The following SGPP1 variants were observed in gnomAD, a reference collection of about 807,000 sequenced individuals.
SGPP1 encodes the protein sphingosine-1-phosphate phosphatase 1.
SGPP1 carries 21 observed loss-of-function variants against 33.0 expected under a neutral mutation model. The ratio of observed to expected loss-of-function variants is 0.64; its 90% CI spans 0.45 to 0.92. The LOEUF (loss-of-function observed/expected upper bound fraction) is 0.92, where lower values mean the gene tolerates loss of function less well. Ranked by LOEUF, SGPP1 falls within the 40% of genes least tolerant of loss-of-function variation. The pLI, the probability that SGPP1 is intolerant of heterozygous loss-of-function variation, is 0.00. For missense variants in SGPP1, 543 were observed against 589.4 expected (o/e 0.92, Z 0.81); for synonymous variants, 239 against 241.2 (o/e 0.99, Z 0.08).
intron 1 of SGPP1, among the ~76,000 whole-genome samples, chr14:63,725,346 C>T (rs2139657952): frequency 6.6e-6 from 1 of 152,340 alleles, no homozygotes; most frequent in South Asian, 2.1e-4. Flanking sequence ...TGCACTCCAG[C>T]CTGGGCAACA....
chr14:63,702,138 T>C (rs1027904302), intron 1 of SGPP1, among the ~76,000 whole-genome samples: 1 of 152,160 alleles, frequency 6.6e-6, no homozygotes. Context: ...GTAGAGATTT[T>C]AAATAGGAGC....
At chr14:63,697,100 T>G (rs1885202153) in intron 2 of SGPP1, among the ~76,000 whole-genome samples, 1 of 152,114 alleles carries the variant, frequency 6.6e-6, no homozygotes, top group Non-Finnish European at 1.5e-5. Flanking sequence ...GGTCACAGGA[T>G]CAATAGACGT....
At chr14:63,689,652 C>T (rs1595060949) in intron 2 of SGPP1, among the ~76,000 whole-genome samples, 1 of 151,870 alleles carries the variant, frequency 6.6e-6, no homozygotes, top group Admixed American at 6.6e-5. Flanking sequence ...CAAAATTAGC[C>T]GGGTGTGGTG....
chr14:63,727,987 C>A lies in SGPP1; in HGVS notation c.-43G>T. 6.6e-7 allele frequency: 1 copy of A among 1,504,488 alleles called. No individual in the cohort carries two copies. Among genetic ancestry groups the A allele is most frequent in the Non-Finnish European group, 8.8e-7 (1 of 1,134,686 alleles). 93.2% of individuals were successfully genotyped at this position (1,504,488 alleles called of 1,614,324 possible). On this transcript the variant is annotated 5_prime_UTR_variant, in exon 1 of 3. Coordinates refer to ENST00000247225, the MANE Select transcript of SGPP1 (RefSeq NM_030791.4). ...GAAGGCGGGCCGGCCTCCGGCGCAG[C>A]CCCGAACTGTCCCCGCGCTCCTGGC...
intron 2 of SGPP1, among the ~76,000 whole-genome samples, chr14:63,695,373 CTATAA>C (rs555590269): frequency 1.3e-3 from 205 of 151,926 alleles, no homozygotes; most frequent in African/African-American, 4.0e-3. Flanking sequence ...TTTATTTTAA[CTATAA>C]TATATTTCAG....
intron 1 of SGPP1, among the ~76,000 whole-genome samples, chr14:63,709,174 T>C (rs1345852860): frequency 2.0e-5 from 3 of 152,060 alleles, no homozygotes; most frequent in Non-Finnish European, 2.9e-5. Flanking sequence ...CAGGAGTTCG[T>C]GACGAGCTTG....
intron 1 of SGPP1, among the ~76,000 whole-genome samples, chr14:63,708,352 T>C (rs558445721): frequency 6.7e-6 from 1 of 148,762 alleles, no homozygotes; most frequent in East Asian, 2.0e-4. Context: ...GCCTCCTGGG[T>C]TCAAATGATT....
At chr14:63,693,202 G>C (rs1489393245) in intron 2 of SGPP1, among the ~76,000 whole-genome samples, 1 of 152,208 alleles carries the variant, frequency 6.6e-6, no homozygotes, top group African/African-American at 2.4e-5. Flanking sequence ...CGAAGTGTTG[G>C]GATTACAGGC....
intron 1 of SGPP1, among the ~76,000 whole-genome samples, chr14:63,718,561 G>A (rs1045862589): frequency 5.9e-5 from 9 of 151,912 alleles, no homozygotes; most frequent in African/African-American, 2.2e-4. Context: ...GACATATATG[G>A]ATATAAATGC....
chr14:63,718,992 ATATATATATATATATATATATATTTTT>A (rs1885694653), intron 1 of SGPP1, among the ~76,000 whole-genome samples: 2 of 16,588 alleles, frequency 1.2e-4, no homozygotes, highest in African/African-American at 6.6e-4. Flanking sequence ...ATATATATAT[ATATATATATATATATATATATATTTTT>A]TTTTTTTTTT....
Position 63,727,590 on chromosome 14 carries a change from G to A in SGPP1, c.355C>T (p.Gln119Ter). 1 of 1,578,492 alleles carries A rather than the reference G, an allele frequency of 6.3e-7. No homozygotes were observed. Residue 119 changes from glutamine (Q) to a stop codon, truncating the protein, a stop_gained, in exon 1 of 3, where the codon CAG (glutamine) becomes TAG (stop). Coordinates refer to ENST00000247225, the MANE Select transcript of SGPP1 (RefSeq NM_030791.4). LOFTEE classifies it high-confidence loss of function. ...GGCCAGTTGCTCACGCGGGCCAGCT[G>A]GCCCTCCTCGCCCGTCAGCGAGTTG... ...RRNSLTGEEG[Q>*]LARVSNWPLY...
chr14:63,686,832 ATAATAAAAGGATTTATATTTTCATAATTC>A, intron 2 of SGPP1, among the ~76,000 whole-genome samples, 176 bp from the exon 3 acceptor site: 1 of 152,302 alleles, frequency 6.6e-6, no homozygotes, highest in South Asian at 2.1e-4. Flanking sequence ...AGCTGTATTA[ATAATAAAAGGATTTATATTTTCATAATTC>A]TACCCTTTTA....
Position 63,686,323 on chromosome 14 carries a change from G to A in SGPP1, c.1108C>T (p.Leu370Phe), listed in dbSNP as rs762916613. Residue 370 changes from leucine to phenylalanine, a missense_variant, in exon 3 of 3, where the codon CTC (leucine) becomes TTC (phenylalanine). Coordinates refer to ENST00000247225, the MANE Select transcript of SGPP1 (RefSeq NM_030791.4). ...ATTAGTACAAATACCATCCCTATGAGGATCCGCAATATGGCTTTTCCAAAC... is the reference window on the plus strand; with the variant it reads ...ATTAGTACAAATACCATCCCTATGAAGATCCGCAATATGGCTTTTCCAAAC... Reference protein sequence around the residue: ...TLFGKAILRILIGMVFVLIIR... With the variant: ...TLFGKAILRIFIGMVFVLIIR... 6.2e-7 allele frequency: 1 copy of A among 1,614,016 alleles called. No individual in the cohort carries two copies. The highest frequency in any genetic ancestry group is 8.5e-7 in the Non-Finnish European group (1 of 1,179,948).
At chr14:63,699,567 T>C (rs897177371) in intron 1 of SGPP1, among the ~76,000 whole-genome samples, 3 of 152,076 alleles carry the variant, frequency 2.0e-5, no homozygotes, top group African/African-American at 7.2e-5. Context: ...TGGTTTGTTT[T>C]GTTCTGTTTT....
At chr14:63,702,189 T>C (rs1442883198) in intron 1 of SGPP1, among the ~76,000 whole-genome samples, 1 of 152,132 alleles carries the variant, frequency 6.6e-6, no homozygotes, top group Non-Finnish European at 1.5e-5. Flanking sequence ...TATTCAATTT[T>C]ACGATGTCCA....
rs180756545 is a variant in SGPP1 at position 63,711,944 on chromosome 14, C to T, written c.685-13286G>A. Among the ~76,000 whole-genome samples the T allele has an allele frequency of 2.6e-4, 40 of 151,094 alleles. No homozygotes were observed. The East Asian group carries it at 4.5e-3, about 17-fold the overall frequency. ...ACTGGGGAGGCTGAGGCAGGAGAAT[C>T]GCTTGAACCTGGGAGGCGGAGGTTG... On this transcript the variant is annotated intron_variant, in intron 1 of 2. Coordinates refer to ENST00000247225, the MANE Select transcript of SGPP1 (RefSeq NM_030791.4).
chr14:63,715,201 G>C lies in SGPP1; in HGVS notation c.684+12060C>G, dbSNP rs189700412. Among the ~76,000 whole-genome samples, 139 of 151,588 alleles carry C rather than the reference G, an allele frequency of 9.2e-4. 3 individuals carry two copies. The East Asian group carries it at 0.023, about 25-fold the overall frequency. On this transcript the variant is annotated intron_variant, in intron 1 of 2. Coordinates refer to ENST00000247225, the MANE Select transcript of SGPP1 (RefSeq NM_030791.4). ...GCTAATTGTTTGTATTTTTAGTAGA[G>C]ACAGGGTTTCACCACGTTGGCCAGG...
chr14:63,695,626 G>A (rs1413646966), intron 2 of SGPP1, among the ~76,000 whole-genome samples: 1 of 152,176 alleles, frequency 6.6e-6, no homozygotes, highest in Non-Finnish European at 1.5e-5. Context: ...AACTCTTAGT[G>A]TTAGGCTGGA....
chr14:63,718,822 A>G (rs1031980275), intron 1 of SGPP1, among the ~76,000 whole-genome samples: 1 of 150,870 alleles, frequency 6.6e-6, no homozygotes, highest in Non-Finnish European at 1.5e-5. Context: ...AATGCTTTGA[A>G]TAGACAGCTC....
Sources: allele counts gnomAD v4.1 joint callset (sites outside exome capture counted in the v4.1 genomes callset), GRCh38; gene constraint gnomAD v4.1.1; transcripts MANE v1.5; gene names NCBI Gene and HGNC (gene_info 2026-07-23, HGNC 2026-07-21).